ANO1: variants seen among roughly 807,000 people sequenced by gnomAD.
ANO1 encodes the protein anoctamin 1, also known as anoctamin-1.
A neutral mutation model predicts 124.0 loss-of-function variants in ANO1; 59 were observed. That is an observed-to-expected ratio of 0.48 (90% confidence interval 0.39 to 0.59). The LOEUF is 0.59. ANO1 is among the 20% of genes least tolerant of loss of function. The pLI, the probability that ANO1 is intolerant of heterozygous loss-of-function variation, is 0.00. For missense variants in ANO1, 1,059 were observed against 1,328.0 expected, an observed-to-expected ratio of 0.80 and a Z score of 3.15; for synonymous variants, 529 against 532.0, an observed-to-expected ratio of 0.99 and a Z score of 0.08.
intron 12 of ANO1, among the ~76,000 whole-genome samples, chr11:70,150,348 G>A (rs944917458): frequency 2.6e-5 from 4 of 152,154 alleles, no homozygotes; most frequent in African/African-American, 4.8e-5. Flanking sequence ...TCAATATTAC[G>A]TAGCCCCTGG....
At chr11:70,027,815 G>A (rs1565164215) in intron 1 of ANO1, among the ~76,000 whole-genome samples, 1 of 152,184 alleles carries the variant, frequency 6.6e-6, no homozygotes, top group East Asian at 1.9e-4. Flanking sequence ...GAAAGGTGAG[G>A]TGGTGCTTGC....
chr11:70,045,583 C>T (rs1306550316), intron 1 of ANO1, among the ~76,000 whole-genome samples: 6 of 152,204 alleles, frequency 3.9e-5, no homozygotes, highest in African/African-American at 1.4e-4. Flanking sequence ...TTGATCTGTT[C>T]ATCGATGGAG....
chr11:69,975,360 C>T, the ANO1 span, among the ~76,000 whole-genome samples: 1 of 152,234 alleles, frequency 6.6e-6, no homozygotes, highest in African/African-American at 2.4e-5. Context: ...ATGGCAAATG[C>T]CTACTACGCC....
chr11:70,075,990 G>T (rs2044051751), upstream of ANO1, among the ~76,000 whole-genome samples: 1 of 152,204 alleles, frequency 6.6e-6, no homozygotes, highest in Non-Finnish European at 1.5e-5. Context: ...CCCGGCGAAG[G>T]CCACGAGAGG....
chr11:70,070,545 G>T (rs538355239), intron 1 of ANO1, among the ~76,000 whole-genome samples: 2 of 152,130 alleles, frequency 1.3e-5, no homozygotes, highest in African/African-American at 4.8e-5. Context: ...TAGTCATGAC[G>T]GGTGCCTGTA....
intron 1 of ANO1, among the ~76,000 whole-genome samples, chr11:70,040,983 T>C (rs1211557062): frequency 3.3e-5 from 5 of 152,212 alleles, no homozygotes; most frequent in Non-Finnish European, 7.3e-5. Flanking sequence ...GGAGAGGTTC[T>C]GGGAGCTTGG....
In ANO1 at chr11:70,107,052, A is replaced by G. The variant is rs549413073; in HGVS notation, c.747+1264A>G. On this transcript the variant is annotated intron_variant, in intron 5 of 25. Transcript: ENST00000355303. ...TGACTGGTGGATGAGGGCTGGTGGC[A>G]GTGGTCATAAACATGGGCCATAACT... 3.3e-5 allele frequency among the ~76,000 whole-genome samples: 5 copies of G among 152,280 alleles called. No individual in the cohort carries two copies. In the South Asian group the frequency reaches 1.0e-3, roughly 32 times the overall value.
chr11:70,052,531 C>CTTTTTTTTCTTTTTTTTTTTTT (rs1857365075), intron 1 of ANO1, among the ~76,000 whole-genome samples: 1 of 65,932 alleles, frequency 1.5e-5, no homozygotes, highest in African/African-American at 5.6e-5. Flanking sequence ...TTTTTCTTTT[C>CTTTTTTTTCTTTTTTTTTTTTT]TTTTTTTTTT....
At chr11:70,138,501 C>T (rs1276656076) in intron 11 of ANO1, among the ~76,000 whole-genome samples, 1 of 143,364 alleles carries the variant, frequency 7.0e-6, no homozygotes, top group African/African-American at 2.6e-5. Context: ...AGTGAAAGTC[C>T]GTCTCAAAAA....
intron 6 of ANO1, among the ~76,000 whole-genome samples, chr11:70,110,273 G>A (rs1238014679): frequency 6.8e-6 from 1 of 147,198 alleles, no homozygotes; most frequent in Non-Finnish European, 1.5e-5. Flanking sequence ...TGCAACCTCT[G>A]CCTCCTGGGT....
intron 10 of ANO1, among the ~76,000 whole-genome samples, chr11:70,127,883 G>A (rs557863591): frequency 6.6e-6 from 1 of 152,348 alleles, no homozygotes; most frequent in South Asian, 2.1e-4. Flanking sequence ...CTCTGCCAGG[G>A]AATTGACTAT....
chr11:70,105,577 C>T (rs2045491939), intron 4 of ANO1, among the ~76,000 whole-genome samples, 157 bp from the exon 5 acceptor site: 1 of 152,310 alleles, frequency 6.6e-6, no homozygotes, highest in Middle Eastern at 3.4e-3. Flanking sequence ...GTTCCAAATG[C>T]CCAGGGGCGG....
chr11:69,970,930 CAA>C, the ANO1 span, among the ~76,000 whole-genome samples: 71 of 152,316 alleles, frequency 4.7e-4, no homozygotes, highest in Non-Finnish European at 7.2e-4. Context: ...ACAGAAAGGG[CAA>C]AGAGAGGCAC....
At chr11:70,001,559 C>T (rs1044556032) in intron 1 of ANO1, among the ~76,000 whole-genome samples, 1 of 152,028 alleles carries the variant, frequency 6.6e-6, no homozygotes, top group Non-Finnish European at 1.5e-5. Context: ...TGACGTTGAA[C>T]AAAAAAGGCC....
At chr11:70,153,235 C>A in intron 14 of ANO1, 107 bp downstream of exon 14, 1 of 1,056,788 alleles carries the variant, frequency 9.5e-7, no homozygotes, top group Non-Finnish European at 1.4e-6. Context: ...GCTGTGTAAC[C>A]CCGTGTTGCG....
chr11:70,009,540 T>C (rs1487160020), intron 1 of ANO1, among the ~76,000 whole-genome samples: 1 of 152,190 alleles, frequency 6.6e-6, no homozygotes, highest in Non-Finnish European at 1.5e-5. Flanking sequence ...TTGAGAAGCT[T>C]TTTGAAAAGG....
In ANO1 at chr11:70,136,455, A is replaced by G. The variant is rs59619637; in HGVS notation, c.1258+4376A>G. 7.9e-4 allele frequency among the ~76,000 whole-genome samples: 94 copies of G among 118,374 alleles called. 14 individuals are homozygous for G. The Middle Eastern group carries it at 0.019, about 24-fold the overall frequency. 77.7% of individuals were successfully genotyped at this position (118,374 alleles called of 152,430 possible). On this transcript the variant is annotated intron_variant, in intron 11 of 25. Coordinates refer to ENST00000355303, the MANE Select transcript of ANO1 (RefSeq NM_018043.7). ...GCAGCACCAGCACCTCCCTCGCCTC[A>G]CCCTGGCCTCAGTCCTGATTTAAAT...
upstream of ANO1, among the ~76,000 whole-genome samples, chr11:70,077,806 A>G (rs1565176505): frequency 6.6e-6 from 1 of 152,198 alleles, no homozygotes; most frequent in African/African-American, 2.4e-5. Context: ...TGGGCACAGA[A>G]CACTAAGCAC....
chr11:70,187,190 G>A (rs758391678), intron 25 of ANO1, among the ~76,000 whole-genome samples: 11 of 152,256 alleles, frequency 7.2e-5, no homozygotes, highest in Non-Finnish European at 1.3e-4. Context: ...AGCACCGCCC[G>A]TGGCGGGAAC....
Sources: gnomAD v4.1 joint callset for allele counts (sites outside exome capture counted in the v4.1 genomes callset) on GRCh38, gnomAD v4.1.1 for gene constraint, MANE v1.5 for transcripts, NCBI Gene and HGNC (gene_info 2026-07-23, HGNC 2026-07-21) for gene names.